Variants in DGKB observed in about 807,000 individuals in gnomAD.
The protein encoded by DGKB is 90 kDa diacylglycerol kinase.
DGKB carries 67 observed loss-of-function variants against 114.3 expected under a neutral mutation model. The ratio of observed to expected loss-of-function variants is 0.59; its 90% CI spans 0.48 to 0.72. The LOEUF is 0.72. DGKB is among the 30% of genes least tolerant of loss of function. The pLI is 0.00. For synonymous variants in DGKB, 398 were observed against 323.1 expected (o/e 1.23, Z -2.49); for missense variants, 907 against 975.2 (o/e 0.93, Z 0.93).
intron 20 of DGKB, among the ~76,000 whole-genome samples, chr7:14,514,838 G>A (rs924264316): frequency 2.6e-5 from 4 of 151,994 alleles, no homozygotes; most frequent in Non-Finnish European, 5.9e-5. Context: ...AGGACTGCTT[G>A]AGCCCAGGAG....
intron 23 of DGKB, among the ~76,000 whole-genome samples, chr7:14,196,472 C>T (rs1049797348): frequency 6.6e-6 from 1 of 152,080 alleles, no homozygotes; most frequent in Non-Finnish European, 1.5e-5. Context: ...CCCACACTCC[C>T]TTTCTTTTGA....
At chr7:14,650,922 A>T (rs1001140647) in intron 13 of DGKB, among the ~76,000 whole-genome samples, 1 of 152,260 alleles carries the variant, frequency 6.6e-6, no homozygotes, top group East Asian at 1.9e-4. Context: ...TCCTCGACAC[A>T]TACACTCTCC....
intron 12 of DGKB, among the ~76,000 whole-genome samples, chr7:14,681,218 A>G (rs1472389154): frequency 1.3e-5 from 2 of 152,042 alleles, no homozygotes; most frequent in Non-Finnish European, 2.9e-5. Context: ...CATGTGTAAA[A>G]TTTGAATCAT....
intron 7 of DGKB, among the ~76,000 whole-genome samples, chr7:14,699,409 A>T (rs997999837): frequency 1.3e-5 from 2 of 152,018 alleles, no homozygotes; most frequent in South Asian, 2.1e-4. Flanking sequence ...TAGGCATGTG[A>T]TATTAGGTAA....
intron 1 of DGKB, among the ~76,000 whole-genome samples, chr7:14,865,991 C>T (rs1037430164): frequency 1.1e-4 from 16 of 151,896 alleles, no homozygotes; most frequent in Admixed American, 8.5e-4. Context: ...GAGATGAATA[C>T]AAAAATACAG....
intron 21 of DGKB, among the ~76,000 whole-genome samples, chr7:14,465,089 C>A (rs1833634628): frequency 6.6e-6 from 1 of 152,096 alleles, no homozygotes; most frequent in Admixed American, 6.6e-5. Flanking sequence ...CTTCTCCAGT[C>A]CTCAGACAGA....
chr7:14,240,113 C>G (rs902069747), intron 23 of DGKB, among the ~76,000 whole-genome samples: 1 of 151,956 alleles, frequency 6.6e-6, no homozygotes, highest in African/African-American at 2.4e-5. Context: ...CTGTATCTTC[C>G]CTTATCAATT....
intron 23 of DGKB, among the ~76,000 whole-genome samples, chr7:14,332,249 C>A (rs540367710): frequency 2.0e-5 from 3 of 152,230 alleles, no homozygotes; most frequent in African/African-American, 7.2e-5. Context: ...ATTCTTTGTG[C>A]CCATTTTAGA....
intron 15 of DGKB, among the ~76,000 whole-genome samples, chr7:14,619,442 T>A (rs1213629094): frequency 6.6e-6 from 1 of 151,606 alleles, no homozygotes; most frequent in African/African-American, 2.4e-5. Context: ...TTTAAAACAC[T>A]GCATGTACTA....
chr7:14,406,009 G>A (rs1012339935), intron 21 of DGKB, among the ~76,000 whole-genome samples: 4 of 151,956 alleles, frequency 2.6e-5, no homozygotes, highest in Non-Finnish European at 5.9e-5. Flanking sequence ...TATTACCAGA[G>A]CCCAGGGGTG....
intron 1 of DGKB, among the ~76,000 whole-genome samples, chr7:14,935,171 G>A (rs919539730): frequency 6.6e-5 from 10 of 152,260 alleles, no homozygotes; most frequent in African/African-American, 1.7e-4. Flanking sequence ...CAGGCTTATC[G>A]ATCTGTGAAT....
intron 1 of DGKB, among the ~76,000 whole-genome samples, chr7:14,957,284 A>G (rs551470289): frequency 6.6e-6 from 1 of 151,978 alleles, no homozygotes; most frequent in Non-Finnish European, 1.5e-5. Flanking sequence ...CTAGTGATAC[A>G]CCAAGAAGAA....
intron 1 of DGKB, among the ~76,000 whole-genome samples, chr7:14,856,654 A>AC (rs1472814210): frequency 6.8e-6 from 1 of 146,334 alleles, no homozygotes; most frequent in African/African-American, 2.7e-5. Context: ...AAAAGTATTC[A>AC]TTGTGTGTGT....
intron 8 of DGKB, among the ~76,000 whole-genome samples, chr7:14,697,758 AAG>A (rs1824247091): frequency 1.4e-5 from 2 of 145,122 alleles, no homozygotes; most frequent in African/African-American, 5.6e-5. Context: ...GAAAGAAAGA[AAG>A]AAAGAAAGAA....
chr7:14,961,022 G>T (rs887356294), intron 1 of DGKB, among the ~76,000 whole-genome samples: 2 of 151,974 alleles, frequency 1.3e-5, no homozygotes, highest in East Asian at 3.9e-4. Context: ...TTCCCTAAAG[G>T]CTCACTAAAA....
rs537290428 is a variant in DGKB at position 14,930,403 on chromosome 7, A to T, written c.-188+44293T>A. 1.7e-4 allele frequency among the ~76,000 whole-genome samples: 26 copies of T among 152,180 alleles called. No homozygotes were observed. In the South Asian group the frequency reaches 2.1e-3, roughly 12 times the overall value. On this transcript the variant is annotated intron_variant, in intron 1 of 4. Transcript: ENST00000437998. ...ATAATTCTTTTAATCAGTGTTTTGT[A>T]GTTTTTCTTGTACAGACCTTTTATT...
intron 20 of DGKB, among the ~76,000 whole-genome samples, chr7:14,491,852 A>G (rs1784643573): frequency 6.6e-6 from 1 of 152,090 alleles, no homozygotes; most frequent in Non-Finnish European, 1.5e-5. Context: ...TCAAATCAGT[A>G]AATTAATAGC....
At chr7:14,265,270 G>C (rs1797316868) in intron 23 of DGKB, among the ~76,000 whole-genome samples, 2 of 140,754 alleles carry the variant, frequency 1.4e-5, no homozygotes, top group South Asian at 4.6e-4. Context: ...GATCCTACTG[G>C]TTAGCATACA....
chr7:14,877,968 T>C (rs1211800420), intron 1 of DGKB, among the ~76,000 whole-genome samples: 1 of 151,970 alleles, frequency 6.6e-6, no homozygotes, highest in Admixed American at 6.6e-5. Context: ...AAATAAAGAA[T>C]CTCTATTTGT....
Sources: allele counts gnomAD v4.1 joint callset (sites outside exome capture counted in the v4.1 genomes callset), GRCh38; gene constraint gnomAD v4.1.1; transcripts MANE v1.5; gene names NCBI Gene and HGNC (gene_info 2026-07-23, HGNC 2026-07-21).